The following SHANK2 variants were observed in gnomAD, a reference collection of about 807,000 sequenced individuals.
SHANK2 encodes the protein SH3 and multiple ankyrin repeat domains 2, also known as SH3 and multiple ankyrin repeat domains protein 2.
A neutral mutation model predicts 133.7 loss-of-function variants in SHANK2; 43 were observed. The ratio of observed to expected loss-of-function variants is 0.32; its 90% CI spans 0.25 to 0.41. The LOEUF is 0.41. SHANK2 is among the 10% of genes least tolerant of loss of function. The pLI, the probability that SHANK2 is intolerant of heterozygous loss-of-function variation, is 1.00. For synonymous variants in SHANK2, 1,017 were observed against 952.8 expected (o/e 1.07, Z -1.24); for missense variants, 1,994 against 2,235.8 (o/e 0.89, Z 2.18).
rs2058802863 is a variant in SHANK2 at position 70,486,239 on chromosome 11, C to T, written c.4054G>A (p.Val1352Ile). ...DSSPSEVPEGVSETEGALQIS... is the reference protein window; with the variant it reads ...DSSPSEVPEGISETEGALQIS... The stretch of plus-strand genomic sequence containing the variant: ...TGTAAAGCACCTTCGGTTTCGGAAA[C>T]ACCTTCTGGCACCTCGGACGGCGAG... Residue 1352 changes from valine (V) to isoleucine (I), a missense_variant, in exon 25 of 26, where the codon GTT becomes ATT. Val to Ile is a conservative substitution (Grantham distance 29). Coordinates refer to ENST00000601538, the MANE Select transcript of SHANK2 (RefSeq NM_012309.5). This position sits in a 1 kb window ranked among gnomAD's most constrained non-coding sequence, Gnocchi z 8.0. 6.2e-7 allele frequency: 1 copy of T among 1,614,016 alleles called. No homozygotes were observed. Among genetic ancestry groups the T allele is most frequent in the Non-Finnish European group, 8.5e-7 (1 of 1,180,032 alleles).
chr11:70,898,278 ACACG>A (rs1555076066), intron 10 of SHANK2, among the ~76,000 whole-genome samples: 1 of 95,394 alleles, frequency 1.0e-5, no homozygotes, highest in South Asian at 4.7e-4. Flanking sequence ...ATATATACAC[ACACG>A]CACACACACA....
At chr11:71,204,909 G>A (rs1233262569) in intron 2 of SHANK2, among the ~76,000 whole-genome samples, 1 of 152,062 alleles carries the variant, frequency 6.6e-6, no homozygotes, top group African/African-American at 2.4e-5. Context: ...CAGGTAGGAG[G>A]GTCCCTCTGC....
At chr11:70,819,704 GCTC>G (rs1948477034) in intron 12 of SHANK2, among the ~76,000 whole-genome samples, 2 of 152,090 alleles carry the variant, frequency 1.3e-5, no homozygotes, top group Non-Finnish European at 2.9e-5. Context: ...CGAGGCACAG[GCTC>G]CTGTCACCTG....
At chr11:70,912,219 T>C (rs1285544659) in intron 10 of SHANK2, among the ~76,000 whole-genome samples, 1 of 152,062 alleles carries the variant, frequency 6.6e-6, no homozygotes, top group Non-Finnish European at 1.5e-5. Flanking sequence ...AATATTTTAC[T>C]TCATTCAATG....
intron 1 of SHANK2, among the ~76,000 whole-genome samples, chr11:71,239,192 G>A (rs1391821930): frequency 3.3e-5 from 5 of 152,184 alleles, no homozygotes; most frequent in African/African-American, 9.7e-5. Flanking sequence ...GTTGTAACAC[G>A]CAACATGCTA....
intron 8 of SHANK2, among the ~76,000 whole-genome samples, chr11:71,089,034 C>T (rs979597614): frequency 5.3e-5 from 8 of 152,360 alleles, no homozygotes; most frequent in African/African-American, 1.9e-4. Context: ...GGCCGCCCCT[C>T]GTCCTGAACT....
chr11:70,743,195 A>AGGAGCTAGAGCTGCCAGATGCCAGGGGC (rs1396435854), intron 14 of SHANK2, among the ~76,000 whole-genome samples: 6 of 152,258 alleles, frequency 3.9e-5, no homozygotes, highest in Non-Finnish European at 8.8e-5. Context: ...CAGGAGCTGC[A>AGGAGCTAGAGCTGCCAGATGCCAGGGGC]GGAGCTAGAG....
At chr11:71,092,369 G>T in intron 8 of SHANK2, 53 bp downstream of exon 8, 1 of 1,544,728 alleles carries the variant, frequency 6.5e-7, no homozygotes, top group Non-Finnish European at 8.8e-7. Context: ...GATCGGAGGA[G>T]AAGGGGAAGT....
At chr11:70,509,565 C>T (rs557037312) in intron 17 of SHANK2, among the ~76,000 whole-genome samples, 1 of 152,320 alleles carries the variant, frequency 6.6e-6, no homozygotes, top group Non-Finnish European at 1.5e-5. Flanking sequence ...TCCTCAGCTC[C>T]CCTGCCCCCT....
At chr11:70,781,717 A>G (rs1197536892) in intron 14 of SHANK2, among the ~76,000 whole-genome samples, 1 of 142,322 alleles carries the variant, frequency 7.0e-6, no homozygotes, top group African/African-American at 2.6e-5. Flanking sequence ...TATATCTCCT[A>G]ATGCTATCCT....
At chr11:70,932,216 G>T (rs1282242371) in intron 10 of SHANK2, among the ~76,000 whole-genome samples, 1 of 152,238 alleles carries the variant, frequency 6.6e-6, no homozygotes, top group Non-Finnish European at 1.5e-5. Context: ...CTGAACAGCC[G>T]AAACAAAGTT....
chr11:70,811,882 A>G (rs909307631), intron 12 of SHANK2, among the ~76,000 whole-genome samples: 1 of 152,200 alleles, frequency 6.6e-6, no homozygotes, highest in East Asian at 1.9e-4. Context: ...TTTTCTGAAC[A>G]TCTATTCACT....
At chr11:70,750,686 T>C (rs1946735267) in intron 14 of SHANK2, among the ~76,000 whole-genome samples, 1 of 152,126 alleles carries the variant, frequency 6.6e-6, no homozygotes. Flanking sequence ...CTCCAAGTTG[T>C]GCACAGGTGG....
At chr11:70,675,389 T>C (rs1221678121) in intron 15 of SHANK2, among the ~76,000 whole-genome samples, 3 of 152,176 alleles carry the variant, frequency 2.0e-5, no homozygotes, top group Non-Finnish European at 4.4e-5. Context: ...TGACGCTCAC[T>C]TTACAGGGGA....
chr11:70,762,851 C>CACAG (rs1257088971), intron 14 of SHANK2, among the ~76,000 whole-genome samples: 1 of 152,254 alleles, frequency 6.6e-6, no homozygotes, highest in Non-Finnish European at 1.5e-5. Context: ...AGGAGGGAAG[C>CACAG]ACAGACAGGT....
chr11:70,855,828 T>C (rs1026816503), intron 11 of SHANK2, among the ~76,000 whole-genome samples: 2 of 152,004 alleles, frequency 1.3e-5, no homozygotes, highest in Admixed American at 1.3e-4. Flanking sequence ...GATGGATGGG[T>C]GGGTGGATAA....
Position 70,486,871 on chromosome 11 carries a change from A to G in SHANK2, c.3422T>C (p.Leu1141Pro), listed in dbSNP as rs1334614789. 2 of 1,612,718 alleles carry G rather than the reference A, an allele frequency of 1.2e-6. No individual in the cohort carries two copies. The highest frequency in any genetic ancestry group is 2.7e-5 in the African/African-American group (2 of 75,042). ...DFADEDSAEQLSSPMPSATPR... is the reference protein window; with the variant it reads ...DFADEDSAEQPSSPMPSATPR... ...CGTGGCACTCGGCATGGGGGATGACAGCTGCTCAGCGCTGTCCTCGTCAGC... is the reference window on the plus strand; with the variant it reads ...CGTGGCACTCGGCATGGGGGATGACGGCTGCTCAGCGCTGTCCTCGTCAGC... The change falls in exon 25 of 26, where the codon CTG becomes CCG. Residue 1141 changes from leucine to proline, a missense_variant. Leu to Pro is a moderately conservative substitution (Grantham distance 98). This residue lies in a region of SHANK2 where 797 missense variants were observed against 907.4 expected (regional missense o/e 0.88). Transcript: ENST00000601538. The surrounding 1 kb of genome is among the most constrained non-coding windows in gnomAD (Gnocchi z 8.0).
intron 17 of SHANK2, among the ~76,000 whole-genome samples, chr11:70,557,553 C>G (rs1312643260): frequency 2.0e-5 from 3 of 152,146 alleles, no homozygotes; most frequent in Non-Finnish European, 4.4e-5. Flanking sequence ...TGATGTCGGT[C>G]TTGCTGCTAA....
At chr11:70,821,677 C>T (rs1948526022) in intron 11 of SHANK2, among the ~76,000 whole-genome samples, 1 of 152,180 alleles carries the variant, frequency 6.6e-6, no homozygotes. Flanking sequence ...CCTGCCTCAG[C>T]CACCCAAAGT....
Sources: gnomAD v4.1 joint callset for allele counts (sites outside exome capture counted in the v4.1 genomes callset) on GRCh38, gnomAD v4.1.1 for gene constraint, gnomAD v4.1.1 regional missense constraint, Gnocchi (gnomAD v3.1) non-coding constraint, MANE v1.5 for transcripts, NCBI Gene and HGNC (gene_info 2026-07-23, HGNC 2026-07-21) for gene names.